Variants in CFAP61 observed in about 807,000 individuals in gnomAD.
The protein encoded by CFAP61 is cilia and flagella associated protein 61, also known as cilia- and flagella-associated protein 61.
A neutral mutation model predicts 135.6 loss-of-function variants in CFAP61; 107 were observed. That is an observed-to-expected ratio of 0.79 (90% confidence interval 0.67 to 0.93). The LOEUF is 0.93. Ranked by LOEUF, CFAP61 falls within the 40% of genes least tolerant of loss-of-function variation. The pLI is 0.00. For synonymous variants in CFAP61, 575 were observed against 578.5 expected, an observed-to-expected ratio of 0.99 and a Z score of 0.09; for missense variants, 1,507 against 1,556.2, an observed-to-expected ratio of 0.97 and a Z score of 0.53.
intron 6 of CFAP61, among the ~76,000 whole-genome samples, chr20:20,078,911 A>G (rs144210625): frequency 1.4e-3 from 210 of 152,354 alleles, no homozygotes; most frequent in African/African-American, 4.6e-3. Flanking sequence ...AAGAGGTGGT[A>G]TCACTTACAG....
chr20:20,065,889 TG>T (rs2045221209), intron 2 of CFAP61, among the ~76,000 whole-genome samples: 1 of 152,158 alleles, frequency 6.6e-6, no homozygotes, highest in Non-Finnish European at 1.5e-5. Flanking sequence ...CTGAGGTTTC[TG>T]GGTGATGGTG....
At chr20:20,262,061 G>A (rs1178769090) in intron 20 of CFAP61, among the ~76,000 whole-genome samples, 9 of 152,104 alleles carry the variant, frequency 5.9e-5, no homozygotes, top group African/African-American at 2.2e-4. Flanking sequence ...TTTCTGCCTA[G>A]CCCCTCTATA....
chr20:20,283,377 T>G (rs1411637203), intron 22 of CFAP61, among the ~76,000 whole-genome samples: 1 of 152,180 alleles, frequency 6.6e-6, no homozygotes, highest in Non-Finnish European at 1.5e-5. Flanking sequence ...ATTCCATTCT[T>G]CTTATGCTTA....
At chr20:20,244,928 T>C (rs1271857282) in intron 18 of CFAP61, among the ~76,000 whole-genome samples, 1 of 152,228 alleles carries the variant, frequency 6.6e-6, no homozygotes, top group Non-Finnish European at 1.5e-5. Flanking sequence ...CACAAATCTC[T>C]AGGGCAGGGG....
chr20:20,311,495 C>T (rs1003758997), intron 25 of CFAP61, among the ~76,000 whole-genome samples: 16 of 152,212 alleles, frequency 1.1e-4, no homozygotes, highest in African/African-American at 3.1e-4. Context: ...ATCCAGCTGA[C>T]GGCCTTGAGA....
chr20:20,121,419 T>C (rs1179163207), intron 8 of CFAP61, among the ~76,000 whole-genome samples: 1 of 152,118 alleles, frequency 6.6e-6, no homozygotes. Flanking sequence ...CTCTATGTCT[T>C]TTAATTAGAG....
At chr20:20,264,726 T>C (rs2052565969) in intron 21 of CFAP61, among the ~76,000 whole-genome samples, 1 of 152,046 alleles carries the variant, frequency 6.6e-6, no homozygotes, top group Non-Finnish European at 1.5e-5. Context: ...ACCCCACCTC[T>C]ACAAAAAATA....
chr20:20,250,684 A>T (rs903857061), intron 19 of CFAP61, among the ~76,000 whole-genome samples: 1 of 152,358 alleles, frequency 6.6e-6, no homozygotes, highest in Non-Finnish European at 1.5e-5. Flanking sequence ...TAAAAGAAGC[A>T]CTTAATGTCC....
At chr20:20,132,631 A>G (rs1426447963) in intron 8 of CFAP61, among the ~76,000 whole-genome samples, 1 of 151,780 alleles carries the variant, frequency 6.6e-6, no homozygotes, top group Non-Finnish European at 1.5e-5. Flanking sequence ...GGATTTATTG[A>G]CTCCTACTCA....
intron 18 of CFAP61, among the ~76,000 whole-genome samples, chr20:20,245,759 G>A (rs867102337): frequency 6.6e-6 from 1 of 152,184 alleles, no homozygotes; most frequent in African/African-American, 2.4e-5. Flanking sequence ...GTTAAGCTGC[G>A]ATTGTTATGC....
intron 17 of CFAP61, among the ~76,000 whole-genome samples, chr20:20,222,365 A>C (rs552405474): frequency 1.3e-5 from 2 of 152,328 alleles, no homozygotes; most frequent in Admixed American, 1.3e-4. Context: ...CATAGAGGCT[A>C]CCATGGCCCA....
intron 13 of CFAP61, among the ~76,000 whole-genome samples, chr20:20,177,456 C>T (rs1383914394): frequency 6.6e-6 from 1 of 151,834 alleles, no homozygotes; most frequent in Non-Finnish European, 1.5e-5. Flanking sequence ...TCCCTCCATC[C>T]TGAAATTGAC....
At position 20,262,986 on chromosome 20, in the gene CFAP61, C is replaced by T; in HGVS notation, c.2359C>T (p.Gln787Ter). 6.2e-7 allele frequency: 1 copy of T among 1,613,576 alleles called. No homozygotes were observed. Among genetic ancestry groups the T allele is most frequent in the Non-Finnish European group, 8.5e-7 (1 of 1,179,796 alleles). The change falls in exon 21 of 27, where the codon CAA becomes TAA. Residue 787 changes from glutamine to a stop codon, truncating the protein, a stop_gained. Transcript: ENST00000245957. LOFTEE classifies it high-confidence loss of function. ...VPCPTEADIS[Q>*]HLTNREVPNS... The stretch of plus-strand genomic sequence containing the variant: ...ATGCCCTACAGAGGCTGATATTAGT[C>T]AACACCTGACAAACAGGGAGGTTCC...
At chr20:20,345,742 GAAACCCAATCTCTGCTAAA>G (rs2058604702) in intron 26 of CFAP61, among the ~76,000 whole-genome samples, 1 of 151,996 alleles carries the variant, frequency 6.6e-6, no homozygotes, top group South Asian at 2.1e-4. Flanking sequence ...CCAACATGGT[GAAACCCAATCTCTGCTAAA>G]AATACAAAAA....
intron 21 of CFAP61, among the ~76,000 whole-genome samples, chr20:20,269,152 C>CACACACACATATACATATATGTATAT (rs1569219258): frequency 1.1e-5 from 1 of 89,514 alleles, no homozygotes; most frequent in African/African-American, 3.7e-5. Flanking sequence ...TATATACACA[C>CACACACACATATACATATATGTATAT]ACACACACAC....
At chr20:20,282,917 C>A (rs1008693197) in intron 22 of CFAP61, among the ~76,000 whole-genome samples, 2 of 144,032 alleles carry the variant, frequency 1.4e-5, no homozygotes, top group East Asian at 2.0e-4. Context: ...CTAGCCTGGG[C>A]GACAGAGCAA....
At chr20:20,219,413 C>T (rs2048252106) in intron 17 of CFAP61, among the ~76,000 whole-genome samples, 1 of 151,996 alleles carries the variant, frequency 6.6e-6, no homozygotes, top group African/African-American at 2.4e-5. Context: ...TAAGTTGTTT[C>T]TATAGGAATA....
At chr20:20,213,088 A>T (rs995213057) in intron 17 of CFAP61, among the ~76,000 whole-genome samples, 12 of 152,158 alleles carry the variant, frequency 7.9e-5, no homozygotes, top group African/African-American at 2.7e-4. Context: ...CAGAGGTGGC[A>T]TGTGGGCCAC....
chr20:20,281,699 G>A (rs1021511399), intron 22 of CFAP61, among the ~76,000 whole-genome samples: 6 of 152,148 alleles, frequency 3.9e-5, no homozygotes, highest in African/African-American at 1.4e-4. Flanking sequence ...ATATTCATGA[G>A]GGATGTTGAT....
Sources: allele counts gnomAD v4.1 joint callset (sites outside exome capture counted in the v4.1 genomes callset), GRCh38; gene constraint gnomAD v4.1.1; transcripts MANE v1.5; gene names NCBI Gene and HGNC (gene_info 2026-07-23, HGNC 2026-07-21).